FAM193A: variants seen among roughly 807,000 people sequenced by gnomAD.
The protein encoded by FAM193A is family with sequence similarity 193 member A, also known as protein FAM193A.
FAM193A carries 22 observed loss-of-function variants against 126.5 expected under a neutral mutation model. That is an observed-to-expected ratio of 0.17 (90% CI 0.12 to 0.25). The LOEUF (loss-of-function observed/expected upper bound fraction) is 0.25. Ranked by LOEUF, FAM193A falls within the 10% of genes least tolerant of loss-of-function variation. The pLI is 1.00. For missense variants in FAM193A, 1,675 were observed against 1,672.8 expected (o/e 1.00, Z -0.02); for synonymous variants, 761 against 646.8 (o/e 1.18, Z -2.68).
At chr4:2,600,201 C>T (rs1309595723) in intron 2 of FAM193A, among the ~76,000 whole-genome samples, 6 of 152,154 alleles carry the variant, frequency 3.9e-5, no homozygotes, top group Non-Finnish European at 5.9e-5. Flanking sequence ...CCTGACCTGC[C>T]ATAGTTCTTT....
rs1226919577 is a variant in FAM193A at position 2,625,249 on chromosome 4, CTT to C, written c.502-9_502-8del. On this transcript the variant is annotated splice_polypyrimidine_tract_variant and intron_variant, in intron 2 of 20. Transcript: ENST00000637812. ...TAACATAACTGGTCTATTCTGTTCT[CTT>C]TTTAAAACAGAGCCAAGATTTTCTT... The C allele has an allele frequency of 1.4e-6, 1 of 698,644 alleles. No homozygotes were observed. Among genetic ancestry groups the C allele is most frequent in the Non-Finnish European group, 2.6e-6 (1 of 382,432 alleles). 43.3% of individuals were successfully genotyped at this position (698,644 alleles called of 1,614,324 possible). A position where few individuals can be genotyped will look rare whatever the true frequency, so the allele number is the denominator to read the frequency against.
chr4:2,687,687 A>G (rs991870414), intron 13 of FAM193A, among the ~76,000 whole-genome samples: 1 of 152,098 alleles, frequency 6.6e-6, no homozygotes, highest in Admixed American at 6.5e-5. Context: ...TCCCCTGACT[A>G]ACCTACTCGT....
At chr4:2,637,498 A>T (rs1448033770) in intron 5 of FAM193A, among the ~76,000 whole-genome samples, 1 of 152,206 alleles carries the variant, frequency 6.6e-6, no homozygotes, top group Non-Finnish European at 1.5e-5. Context: ...ATGTCCCGTT[A>T]TTTCAGTCTA....
At chr4:2,593,492 T>C (rs1045844780) in intron 1 of FAM193A, among the ~76,000 whole-genome samples, 2 of 152,244 alleles carry the variant, frequency 1.3e-5, no homozygotes, top group African/African-American at 2.4e-5. Flanking sequence ...TGTTATGTTT[T>C]TCTCCTTATC....
At chr4:2,554,444 C>G (rs1220446298) in intron 1 of FAM193A, among the ~76,000 whole-genome samples, 1 of 152,104 alleles carries the variant, frequency 6.6e-6, no homozygotes, top group African/African-American at 2.4e-5. Flanking sequence ...CATCAGAGAT[C>G]ATTCTTTTTA....
At chr4:2,699,371 C>T (rs561829305) in intron 18 of FAM193A, among the ~76,000 whole-genome samples, 22 of 149,968 alleles carry the variant, frequency 1.5e-4, no homozygotes, top group South Asian at 6.4e-4. Flanking sequence ...TTTGCAGCTG[C>T]TTTGTCCTTG....
At chr4:2,597,355 T>C (rs1740923123) in intron 2 of FAM193A, among the ~76,000 whole-genome samples, 1 of 152,222 alleles carries the variant, frequency 6.6e-6, no homozygotes, top group African/African-American at 2.4e-5. Context: ...TTTGTTTGTT[T>C]TTTTACCAAT....
Position 2,626,572 on chromosome 4 carries a change from G to A in FAM193A, c.798G>A (p.Val266=). ...ACAAGGAGGGAGTGAAGGAGCTCGT[G>A]GATAGGTACATACTGCCCTTTCCTG... ...VPDKEGVKEL[V]DRLCERDPYQ... Residue 266 remains valine, a synonymous_variant, in exon 4 of 21, where the codon GTG becomes GTA. Transcript: ENST00000637812. 1 of 700,132 alleles carries A rather than the reference G, an allele frequency of 1.4e-6. No homozygotes were observed. Among genetic ancestry groups the A allele is most frequent in the Non-Finnish European group, 2.6e-6 (1 of 383,682 alleles). 43.4% of individuals were successfully genotyped at this position (700,132 alleles called of 1,614,324 possible). A position where few individuals can be genotyped will look rare whatever the true frequency, so the allele number is the denominator to read the frequency against.
Position 2,696,888 on chromosome 4 carries a change from A to G in FAM193A, c.3507+295A>G, listed in dbSNP as rs527248309. ...GACACTCCAGCTTTATCTGCTGGAGAACCTTCTTTTCGAAGAAAGGAGCCG... is the reference window on the plus strand; with the variant it reads ...GACACTCCAGCTTTATCTGCTGGAGGACCTTCTTTTCGAAGAAAGGAGCCG... On this transcript the variant is annotated intron_variant, in intron 18 of 20. Coordinates refer to ENST00000637812, the MANE Select transcript of FAM193A (RefSeq NM_001366318.2). Among the ~76,000 whole-genome samples, 223 of 152,238 alleles carry G rather than the reference A, an allele frequency of 1.5e-3. 1 individual carries two copies. Among genetic ancestry groups the G allele is most frequent in the Admixed American group, 3.5e-3 (53 of 15,292 alleles).
chr4:2,661,885 GTTTAAAA>G (rs1445423170), intron 10 of FAM193A, among the ~76,000 whole-genome samples: 4 of 152,114 alleles, frequency 2.6e-5, no homozygotes, highest in Non-Finnish European at 5.9e-5. Flanking sequence ...CTTGAAATCT[GTTTAAAA>G]TTAATTTCAG....
chr4:2,555,697 A>G (rs1578587148), intron 1 of FAM193A, among the ~76,000 whole-genome samples: 1 of 151,960 alleles, frequency 6.6e-6, no homozygotes, highest in Admixed American at 6.6e-5. Flanking sequence ...GGCTCGCCGC[A>G]AGCTCTGCCT....
intron 6 of FAM193A, among the ~76,000 whole-genome samples, chr4:2,640,904 G>T (rs1204137885): frequency 1.3e-5 from 2 of 151,498 alleles, no homozygotes; most frequent in South Asian, 2.1e-4. Context: ...GGCAGAGGTT[G>T]CAGTGAGCCA....
chr4:2,713,732 G>T (rs1318180053), intron 19 of FAM193A, among the ~76,000 whole-genome samples: 2 of 152,182 alleles, frequency 1.3e-5, no homozygotes, highest in Non-Finnish European at 2.9e-5. Flanking sequence ...GCTTGCCTCT[G>T]CTGAGTGTTC....
At chr4:2,570,302 C>T (rs980858135) in intron 1 of FAM193A, among the ~76,000 whole-genome samples, 5 of 152,092 alleles carry the variant, frequency 3.3e-5, no homozygotes, top group African/African-American at 1.2e-4. Flanking sequence ...CAGATATCTT[C>T]TGTTTGTAAG....
At chr4:2,561,369 G>C (rs989314543) in intron 1 of FAM193A, among the ~76,000 whole-genome samples, 1 of 151,882 alleles carries the variant, frequency 6.6e-6, no homozygotes, top group Non-Finnish European at 1.5e-5. Flanking sequence ...TTTTGGTAGA[G>C]ACAGAGTTTC....
chr4:2,547,716 C>T (rs1737653879), intron 1 of FAM193A, among the ~76,000 whole-genome samples: 1 of 151,664 alleles, frequency 6.6e-6, no homozygotes, highest in Non-Finnish European at 1.5e-5. Context: ...ACGTCTGCCT[C>T]CTTGGTTCAA....
rs1258633074 is a variant in FAM193A, at chr4:2,626,483, C to T, written c.709C>T (p.Arg237Cys). 6 of 702,520 alleles carry T rather than the reference C, an allele frequency of 8.5e-6. No individual in the cohort carries two copies. The highest frequency in any genetic ancestry group is 3.0e-5 in the South Asian group (2 of 67,574). 43.5% of individuals were successfully genotyped at this position (702,520 alleles called of 1,614,324 possible). A position where few individuals can be genotyped will look rare whatever the true frequency, so the allele number is the denominator to read the frequency against. The change falls in exon 4 of 21, where the codon CGC (arginine) becomes TGC (cysteine). Residue 237 changes from arginine to cysteine, a missense_variant. Physicochemically the swap from Arg to Cys is radical, Grantham distance 180. Transcript: ENST00000637812. ...NYWSEVRYTV[R>C]CIYRQAGTPL... Reference sequence around the variant, plus strand: ...CTGGTCAGAAGTGCGCTACACGGTGCGCTGCATCTACCGCCAGGCAGGAAC... The same window carrying T: ...CTGGTCAGAAGTGCGCTACACGGTGTGCTGCATCTACCGCCAGGCAGGAAC...
intron 12 of FAM193A, 101 bp from the exon 13 acceptor site, chr4:2,672,020 C>T: frequency 7.5e-7 from 1 of 1,338,380 alleles, no homozygotes; most frequent in Non-Finnish European, 1.0e-6. Context: ...GCCCACTTAC[C>T]TTTGTATTTG....
In FAM193A at chr4:2,590,522, CA is replaced by C. The variant is rs1740509435; in HGVS notation, c.256-5558del. Among the ~76,000 whole-genome samples the C allele has an allele frequency of 1.6e-4, 12 of 75,754 alleles. 1 individual carries two copies. The highest frequency in any genetic ancestry group is 6.0e-4 in the African/African-American group (11 of 18,226). The allele number at this position is 75,754 out of a possible 152,430, so 49.7% of individuals were successfully genotyped here. On this transcript the variant is annotated intron_variant, in intron 1 of 20. Coordinates refer to ENST00000637812, the MANE Select transcript of FAM193A (RefSeq NM_001366318.2). ...AAAAAAAAACAAAAAAAAAACAAAA[CA>C]AAATTAAAAAACAGAAAATTGTGAT...
Sources: allele counts gnomAD v4.1 joint callset (sites outside exome capture counted in the v4.1 genomes callset), GRCh38; gene constraint gnomAD v4.1.1; transcripts MANE v1.5; gene names NCBI Gene and HGNC (gene_info 2026-07-23, HGNC 2026-07-21).